The following PRKN variants were observed in gnomAD, a reference collection of about 807,000 sequenced individuals.
The protein encoded by PRKN is parkin RBR E3 ubiquitin protein ligase.
PRKN carries 56 observed loss-of-function variants against 59.5 expected under a neutral mutation model. That is an observed-to-expected ratio of 0.94 (90% CI 0.76 to 1.18). PRKN has a LOEUF of 1.18. PRKN is among the 50% of genes most tolerant of loss of function. PRKN has a pLI of 0.00. For synonymous variants in PRKN, 250 were observed against 222.1 expected, an observed-to-expected ratio of 1.13 and a Z score of -1.12; for missense variants, 657 against 596.4, an observed-to-expected ratio of 1.10 and a Z score of -1.06.
intron 5 of PRKN, among the ~76,000 whole-genome samples, chr6:161,978,792 G>A (rs1781149402): frequency 6.6e-6 from 1 of 152,240 alleles, no homozygotes; most frequent in Non-Finnish European, 1.5e-5. Context: ...GCTGCTCAAG[G>A]TGGCATTGTT....
At chr6:162,250,312 T>C (rs1779380254) in intron 3 of PRKN, among the ~76,000 whole-genome samples, 1 of 152,166 alleles carries the variant, frequency 6.6e-6, no homozygotes, top group South Asian at 2.1e-4. Flanking sequence ...CTGTACCACT[T>C]TGTAGAGGCT....
chr6:161,730,201 T>TTTG (rs1787625765), intron 7 of PRKN, among the ~76,000 whole-genome samples: 1 of 151,028 alleles, frequency 6.6e-6, no homozygotes, highest in African/African-American at 2.5e-5. Flanking sequence ...TTGCATTCTT[T>TTTG]CTGTGTTGCA....
chr6:162,001,871 T>G (rs1002441755), intron 5 of PRKN, among the ~76,000 whole-genome samples: 1 of 142,776 alleles, frequency 7.0e-6, no homozygotes, highest in African/African-American at 2.7e-5. Flanking sequence ...TTTTTTTAAA[T>G]CATGAATGGG....
At chr6:161,835,695 T>C (rs1251342345) in intron 6 of PRKN, among the ~76,000 whole-genome samples, 1 of 152,224 alleles carries the variant, frequency 6.6e-6, no homozygotes, top group East Asian at 1.9e-4. Flanking sequence ...ACTTTGCTTG[T>C]AGGCAACTGA....
chr6:161,570,207 ATAT>A (rs1430917744), intron 7 of PRKN, among the ~76,000 whole-genome samples: 10 of 140,164 alleles, frequency 7.1e-5, no homozygotes, highest in African/African-American at 1.4e-4. Context: ...TATGTATAAA[ATAT>A]TATATAATTA....
intron 6 of PRKN, among the ~76,000 whole-genome samples, chr6:161,919,896 G>T (rs972961308): frequency 6.6e-6 from 1 of 152,156 alleles, no homozygotes; most frequent in Admixed American, 6.5e-5. Context: ...GTAAGCATAC[G>T]TTTTTAATTA....
At chr6:162,349,751 G>A (rs1468273821) in intron 2 of PRKN, among the ~76,000 whole-genome samples, 1 of 152,122 alleles carries the variant, frequency 6.6e-6, no homozygotes, top group Non-Finnish European at 1.5e-5. Context: ...TATAGTTGAC[G>A]GTAAAAGACT....
At chr6:162,249,787 C>A (rs1214235021) in intron 3 of PRKN, among the ~76,000 whole-genome samples, 1 of 152,016 alleles carries the variant, frequency 6.6e-6, no homozygotes, top group South Asian at 2.1e-4. Flanking sequence ...AAAAATAAGG[C>A]CATGTTTCAT....
rs186667416 is a variant in PRKN, at chr6:161,399,600, G to C, written c.1084-12723C>G. Among the ~76,000 whole-genome samples the C allele has an allele frequency of 2.6e-5, 4 of 152,122 alleles. No homozygotes were observed. Among genetic ancestry groups the C allele is most frequent in the African/African-American group, 9.7e-5 (4 of 41,416 alleles). Reference sequence around the variant, plus strand: ...TATGCCTGTTGCATGTCCTGCAACCGGGGTGGGTCAGGGAACTCTCCCGTT... The same window carrying C: ...TATGCCTGTTGCATGTCCTGCAACCCGGGTGGGTCAGGGAACTCTCCCGTT... On this transcript the variant is annotated intron_variant, in intron 9 of 11. Coordinates refer to ENST00000366898, the MANE Select transcript of PRKN (RefSeq NM_004562.3). The surrounding 1 kb of genome is among the most constrained non-coding windows in gnomAD (Gnocchi z 4.4).
intron 2 of PRKN, among the ~76,000 whole-genome samples, chr6:162,313,547 G>C (rs1583360856): frequency 6.6e-6 from 1 of 151,870 alleles, no homozygotes; most frequent in East Asian, 2.0e-4. Context: ...GAATCCAATG[G>C]TGCGATCTTG....
In PRKN at chr6:161,549,973, A is replaced by G. The variant is rs1779941296; in HGVS notation, c.934-970T>C. Among the ~76,000 whole-genome samples the G allele has an allele frequency of 6.6e-6, 1 of 152,204 alleles. No individual in the cohort carries two copies. The highest frequency in any genetic ancestry group is 1.5e-5 in the Non-Finnish European group (1 of 68,044). ...AGGAAGAAAATAATCAACAGGGAAGAGGGAGAGTCCAAAGAAGGTGGAGAT... is the reference window on the plus strand; with the variant it reads ...AGGAAGAAAATAATCAACAGGGAAGGGGGAGAGTCCAAAGAAGGTGGAGAT... On this transcript the variant is annotated intron_variant, in intron 8 of 11. Coordinates refer to ENST00000366898, the MANE Select transcript of PRKN (RefSeq NM_004562.3). This position sits in a 1 kb window ranked among gnomAD's most constrained non-coding sequence, Gnocchi z 6.0.
intron 1 of PRKN, among the ~76,000 whole-genome samples, chr6:162,575,398 A>G (rs1292093458): frequency 6.6e-6 from 1 of 152,088 alleles, no homozygotes; most frequent in Non-Finnish European, 1.5e-5. Context: ...ATAGGCTCTC[A>G]CTTGTGAATT....
intron 4 of PRKN, among the ~76,000 whole-genome samples, chr6:162,184,468 T>C (rs1783934220): frequency 6.6e-6 from 1 of 152,160 alleles, no homozygotes; most frequent in South Asian, 2.1e-4. Flanking sequence ...GCTAGTCTCA[T>C]GATAGGGATT....
Position 161,973,414 on chromosome 6 carries a change from AT to A in PRKN, c.621del (p.Glu207AspfsTer18). 1 of 1,591,566 alleles carries A rather than the reference AT, an allele frequency of 6.3e-7. No homozygotes were observed. The highest frequency in any genetic ancestry group is 8.6e-7 in the Non-Finnish European group (1 of 1,159,520). On this transcript the variant is annotated frameshift_variant and splice_region_variant, in exon 6 of 12. Transcript: ENST00000366898. LOFTEE classifies it high-confidence loss of function. ...GGGTGTGCTCCACATTTAAAGAAAA[AT>A]TCCTGAAAGAAAGATAAATATGATC... ...QSPHCPGTSAEFFFKCGAHPT... is the reference protein window; with the variant it reads ...QSPHCPGTSAXFFFKCGAHPT...
At chr6:162,489,636 A>T (rs925829121) in intron 1 of PRKN, among the ~76,000 whole-genome samples, 1 of 152,208 alleles carries the variant, frequency 6.6e-6, no homozygotes, top group Non-Finnish European at 1.5e-5. Context: ...CAAAGGAGTT[A>T]TAAGTATGTT....
chr6:162,572,230 A>G (rs1386976573), intron 1 of PRKN, among the ~76,000 whole-genome samples: 2 of 152,168 alleles, frequency 1.3e-5, no homozygotes, highest in Non-Finnish European at 2.9e-5. Flanking sequence ...AGGAAAATCC[A>G]TATCCCAAAT....
chr6:162,095,632 A>T (rs1202498878), intron 4 of PRKN, among the ~76,000 whole-genome samples: 1 of 152,140 alleles, frequency 6.6e-6, no homozygotes, highest in African/African-American at 2.4e-5. Flanking sequence ...ATACCTGCCT[A>T]AATATCTGTA....
At chr6:162,026,351 A>G (rs2128277739) in intron 5 of PRKN, among the ~76,000 whole-genome samples, 1 of 152,330 alleles carries the variant, frequency 6.6e-6, no homozygotes, top group East Asian at 1.9e-4. Flanking sequence ...TTGTAAATAG[A>G]GGCAGATGAA....
intron 1 of PRKN, among the ~76,000 whole-genome samples, chr6:162,552,736 G>A (rs1266824611): frequency 6.6e-6 from 1 of 152,068 alleles, no homozygotes; most frequent in East Asian, 1.9e-4. Flanking sequence ...TTAGCATATA[G>A]ATGGTTTCTA....
Sources: gnomAD v4.1 joint callset for allele counts (sites outside exome capture counted in the v4.1 genomes callset) on GRCh38, gnomAD v4.1.1 for gene constraint, Gnocchi (gnomAD v3.1) non-coding constraint, MANE v1.5 for transcripts, NCBI Gene and HGNC (gene_info 2026-07-23, HGNC 2026-07-21) for gene names.